The following SLC35G2 variants were observed in gnomAD, a reference collection of about 807,000 sequenced individuals.
SLC35G2 encodes the protein transmembrane protein 22.
Under a neutral mutation model 27.2 loss-of-function variants are expected in SLC35G2, and 20 were observed. That is an observed-to-expected ratio of 0.74 (90% confidence interval 0.52 to 1.07). The LOEUF (loss-of-function observed/expected upper bound fraction) is 1.07. SLC35G2 is among the 50% of genes least tolerant of loss of function. The probability of loss-of-function intolerance (pLI) is 0.00; values close to 1 mark genes in which losing one functional copy is unlikely to be tolerated. For missense variants in SLC35G2, 416 were observed against 493.3 expected (o/e 0.84, Z 1.48); for synonymous variants, 148 against 165.3 (o/e 0.90, Z 0.80).
chr3:136,828,456 G>A (rs993018528), intron 1 of SLC35G2, among the ~76,000 whole-genome samples: 50 of 152,286 alleles, frequency 3.3e-4, no homozygotes, highest in African/African-American at 1.1e-3. Flanking sequence ...ATAGCCTCTT[G>A]AAGAATTGAC....
At chr3:136,844,228 A>C (rs1012835925) in intron 1 of SLC35G2, among the ~76,000 whole-genome samples, 1 of 151,606 alleles carries the variant, frequency 6.6e-6, no homozygotes, top group Admixed American at 6.6e-5. Context: ...GGTGGCTCAC[A>C]CCGGTAATCC....
At chr3:136,848,652 T>C (rs917131383) in intron 1 of SLC35G2, among the ~76,000 whole-genome samples, 25 of 152,286 alleles carry the variant, frequency 1.6e-4, no homozygotes, top group African/African-American at 6.0e-4. Context: ...AGCTAGAGGC[T>C]ATTATCCTAA....
At chr3:136,849,768 C>T (rs1937564204) in intron 1 of SLC35G2, among the ~76,000 whole-genome samples, 1 of 150,788 alleles carries the variant, frequency 6.6e-6, no homozygotes, top group African/African-American at 2.4e-5. Flanking sequence ...GCTGGAATTA[C>T]AGGCATGAGC....
At chr3:136,836,421 G>C (rs55844194) in intron 1 of SLC35G2, among the ~76,000 whole-genome samples, 152,235 of 152,316 alleles carry the variant, frequency 1, 76,077 homozygotes, top group Middle Eastern at 1. Flanking sequence ...CCTGCTTATC[G>C]ACCAGTCTCT....
chr3:136,829,779 T>A lies in SLC35G2; in HGVS notation c.-19+10151T>A, dbSNP rs764816101. 6.9e-4 allele frequency among the ~76,000 whole-genome samples: 105 copies of A among 152,176 alleles called. 3 individuals carry two copies. Among genetic ancestry groups the A allele is most frequent in the Non-Finnish European group, 1.4e-3 (93 of 68,036 alleles). On this transcript the variant is annotated intron_variant, in intron 1 of 1. Transcript: ENST00000446465. ...CTTGTAAGGTTTCCACTGAAAAGTC[T>A]ACTGGCAGACATATGGGAGCTCCAT...
intron 1 of SLC35G2, among the ~76,000 whole-genome samples, chr3:136,836,419 T>TA (rs1553784764): frequency 6.6e-6 from 1 of 152,174 alleles, no homozygotes; most frequent in African/African-American, 2.4e-5. Flanking sequence ...GGCCTGCTTA[T>TA]CGACCAGTCT....
chr3:136,826,992 T>G (rs1936603499), intron 1 of SLC35G2, among the ~76,000 whole-genome samples: 1 of 151,312 alleles, frequency 6.6e-6, no homozygotes, highest in African/African-American at 2.4e-5. Context: ...TTTTTAGTAT[T>G]TATTGATCAT....
intron 1 of SLC35G2, among the ~76,000 whole-genome samples, chr3:136,848,256 T>C (rs1195675162): frequency 6.6e-6 from 1 of 152,242 alleles, no homozygotes; most frequent in Non-Finnish European, 1.5e-5. Context: ...TTATCACATC[T>C]GCAAAATCTC....
intron 1 of SLC35G2, among the ~76,000 whole-genome samples, chr3:136,822,323 T>C (rs1936476773): frequency 6.6e-6 from 1 of 152,128 alleles, no homozygotes; most frequent in African/African-American, 2.4e-5. Context: ...TTTTCTTTTT[T>C]TGAGATTGAG....
chr3:136,819,866 G>T (rs899307340), intron 1 of SLC35G2: 1 of 152,228 alleles, frequency 6.6e-6, no homozygotes, highest in African/African-American at 2.4e-5. Flanking sequence ...CCTCGTCACG[G>T]CCGAGAGTGG....
Position 136,855,711 on chromosome 3 carries a change from T to C in SLC35G2, c.*12T>C, listed in dbSNP as rs1373382377. The C allele has an allele frequency of 1.3e-6, 2 of 1,557,796 alleles. No individual in the cohort carries two copies. Among genetic ancestry groups the C allele is most frequent in the Non-Finnish European group, 1.8e-6 (2 of 1,139,620 alleles). Reference sequence around the variant, plus strand: ...CTCCCATTAAATGAATACCTGATTATTATTGTCTCATTAATGTTCAGTTAT... The same window carrying C: ...CTCCCATTAAATGAATACCTGATTACTATTGTCTCATTAATGTTCAGTTAT... On this transcript the variant is annotated 3_prime_UTR_variant, in exon 2 of 2. Coordinates refer to ENST00000446465, the MANE Select transcript of SLC35G2 (RefSeq NM_025246.3).
chr3:136,825,764 A>G (rs976066875), intron 1 of SLC35G2, among the ~76,000 whole-genome samples: 1 of 152,226 alleles, frequency 6.6e-6, no homozygotes, highest in African/African-American at 2.4e-5. Flanking sequence ...CTTGGTCATG[A>G]TGAATGACTG....
chr3:136,823,384 T>G (rs1030441363), intron 1 of SLC35G2, among the ~76,000 whole-genome samples: 1 of 152,310 alleles, frequency 6.6e-6, no homozygotes, highest in African/African-American at 2.4e-5. Flanking sequence ...GCTGACTGTT[T>G]CCTTTGCTGT....
intron 1 of SLC35G2, among the ~76,000 whole-genome samples, chr3:136,850,801 G>A (rs1036918418): frequency 2.6e-5 from 4 of 151,858 alleles, no homozygotes; most frequent in Admixed American, 6.6e-5. Context: ...TGAGACCATC[G>A]TGGGCAACAT....
At chr3:136,852,993 A>C (rs945172722) in intron 1 of SLC35G2, among the ~76,000 whole-genome samples, 2 of 152,232 alleles carry the variant, frequency 1.3e-5, no homozygotes, top group Non-Finnish European at 2.9e-5. Flanking sequence ...AGAGTTTACT[A>C]TATGCCAGCA....
intron 1 of SLC35G2, among the ~76,000 whole-genome samples, chr3:136,839,925 T>G (rs1937016619): frequency 1.3e-5 from 2 of 152,248 alleles, no homozygotes; most frequent in African/African-American, 4.8e-5. Flanking sequence ...AGTTGTAATT[T>G]CCACCCACTT....
intron 1 of SLC35G2, chr3:136,837,753 C>T (rs1936914959): frequency 6.6e-6 from 1 of 151,940 alleles, no homozygotes; most frequent in Non-Finnish European, 1.5e-5. Flanking sequence ...TGGTGATGAT[C>T]TTAGGATATA....
intron 1 of SLC35G2, among the ~76,000 whole-genome samples, chr3:136,831,871 A>G (rs1209622553): frequency 6.6e-6 from 1 of 152,068 alleles, no homozygotes; most frequent in Non-Finnish European, 1.5e-5. Flanking sequence ...TAATACATGT[A>G]AAGTGCTTGA....
intron 1 of SLC35G2, chr3:136,842,761 G>A (rs1335533417): frequency 6.6e-6 from 1 of 152,196 alleles, no homozygotes; most frequent in East Asian, 1.9e-4. Flanking sequence ...TGGGTGCCAG[G>A]AACGCAAATA....
Sources: gnomAD v4.1 joint callset for allele counts (sites outside exome capture counted in the v4.1 genomes callset) on GRCh38, gnomAD v4.1.1 for gene constraint, MANE v1.5 for transcripts, NCBI Gene and HGNC (gene_info 2026-07-23, HGNC 2026-07-21) for gene names.